SYNDIG1: variants seen among roughly 807,000 people sequenced by gnomAD.
SYNDIG1 encodes synapse differentiation-inducing gene protein 1.
In SYNDIG1, 9 loss-of-function variants were observed where a neutral mutation model predicts 19.4. The observed-to-expected ratio is 0.46, with a 90% confidence interval of 0.28 to 0.81. The LOEUF (loss-of-function observed/expected upper bound fraction) is 0.81, where lower values mean the gene tolerates loss of function less well. Among genes scored for constraint, SYNDIG1 ranks in the 30% least tolerant of loss-of-function variants. SYNDIG1 has a pLI of 0.12. For missense variants in SYNDIG1, 311 were observed against 343.3 expected, an observed-to-expected ratio of 0.91 and a Z score of 0.74; for synonymous variants, 141 against 145.9, an observed-to-expected ratio of 0.97 and a Z score of 0.24.
At chr20:24,546,622 T>C (rs1185806993) in intron 2 of SYNDIG1, among the ~76,000 whole-genome samples, 1 of 152,236 alleles carries the variant, frequency 6.6e-6, no homozygotes, top group Non-Finnish European at 1.5e-5. Flanking sequence ...GTCAAGTCTT[T>C]GCCTGTGTCC....
At chr20:24,497,110 AT>A (rs1382856111) in intron 1 of SYNDIG1, among the ~76,000 whole-genome samples, 1 of 152,216 alleles carries the variant, frequency 6.6e-6, no homozygotes, top group Non-Finnish European at 1.5e-5. Flanking sequence ...TTGAAATGAG[AT>A]GATTGATGTC....
rs115735277 is a variant in SYNDIG1, at chr20:24,662,662, C to T, written c.619-2684C>T. On this transcript the variant is annotated intron_variant, in intron 3 of 3. Coordinates refer to ENST00000376862, the MANE Select transcript of SYNDIG1 (RefSeq NM_024893.3). ...TGCTGAGCCCCTACCCCCAGCCCAC[C>T]GCTGGCACAAGGTGCAGGCACTGGG... 4.5e-3 allele frequency among the ~76,000 whole-genome samples: 684 copies of T among 152,338 alleles called. 9 individuals are homozygous for T. The highest frequency in any genetic ancestry group is 0.016 in the African/African-American group (662 of 41,584).
intron 1 of SYNDIG1, among the ~76,000 whole-genome samples, chr20:24,542,357 C>A (rs894623107): frequency 6.6e-6 from 1 of 152,190 alleles, no homozygotes. Flanking sequence ...CAGCTGGGAT[C>A]GTGTTAAAAT....
intron 3 of SYNDIG1, among the ~76,000 whole-genome samples, chr20:24,644,674 C>T (rs909776971): frequency 1.3e-5 from 2 of 152,230 alleles, no homozygotes; most frequent in Admixed American, 1.3e-4. Flanking sequence ...CAGGCTTAGT[C>T]TCTTAGTTAT....
intron 2 of SYNDIG1, among the ~76,000 whole-genome samples, chr20:24,549,305 C>T (rs535658043): frequency 1.3e-5 from 2 of 152,292 alleles, no homozygotes; most frequent in South Asian, 2.1e-4. Context: ...ACGAGTGGAA[C>T]ATGCAATGCT....
At chr20:24,523,306 CTTATTAA>C (rs1387050336) in intron 1 of SYNDIG1, among the ~76,000 whole-genome samples, 1 of 152,096 alleles carries the variant, frequency 6.6e-6, no homozygotes, top group African/African-American at 2.4e-5. Context: ...CAGGATAGTC[CTTATTAA>C]AAGTTTAGCA....
chr20:24,645,947 A>T (rs777153754), intron 3 of SYNDIG1, among the ~76,000 whole-genome samples: 15 of 152,188 alleles, frequency 9.9e-5, no homozygotes, highest in Non-Finnish European at 1.2e-4. Context: ...TCTCGCCTGG[A>T]TAGAAGCCAA....
At chr20:24,496,223 C>T (rs1157034512) in intron 1 of SYNDIG1, among the ~76,000 whole-genome samples, 1 of 152,170 alleles carries the variant, frequency 6.6e-6, no homozygotes, top group Non-Finnish European at 1.5e-5. Context: ...TCGCTTTTCC[C>T]CGTAAATGTT....
intron 3 of SYNDIG1, among the ~76,000 whole-genome samples, chr20:24,653,432 T>A (rs1349331717): frequency 6.6e-6 from 1 of 152,128 alleles, no homozygotes; most frequent in African/African-American, 2.4e-5. Context: ...CCCAGTCCTG[T>A]GTCCCATCTT....
intron 1 of SYNDIG1, among the ~76,000 whole-genome samples, chr20:24,517,776 T>C (rs1050618209): frequency 3.4e-5 from 5 of 145,590 alleles, no homozygotes; most frequent in East Asian, 2.0e-4. Flanking sequence ...TATATATACA[T>C]ACACACATTT....
intron 2 of SYNDIG1, among the ~76,000 whole-genome samples, chr20:24,563,269 G>A (rs1238922724): frequency 6.6e-6 from 1 of 152,190 alleles, no homozygotes; most frequent in East Asian, 1.9e-4. Flanking sequence ...TAGCCTTGAG[G>A]CTGAAACTGG....
At chr20:24,580,557 G>A (rs1402011009) in intron 2 of SYNDIG1, among the ~76,000 whole-genome samples, 2 of 152,058 alleles carry the variant, frequency 1.3e-5, no homozygotes, top group Non-Finnish European at 2.9e-5. Context: ...CTACAGGCAT[G>A]CACCACGAAG....
At chr20:24,477,881 C>G (rs949828167) in intron 1 of SYNDIG1, among the ~76,000 whole-genome samples, 1 of 152,216 alleles carries the variant, frequency 6.6e-6, no homozygotes, top group Non-Finnish European at 1.5e-5. Flanking sequence ...AGCACTTCTA[C>G]ACGGTTATAG....
chr20:24,508,025 A>G (rs2056640106), intron 1 of SYNDIG1, among the ~76,000 whole-genome samples: 1 of 151,994 alleles, frequency 6.6e-6, no homozygotes, highest in Admixed American at 6.5e-5. Context: ...AGGCCAAACT[A>G]CGAAGAAGTG....
At chr20:24,567,959 C>A (rs1362417091) in intron 2 of SYNDIG1, among the ~76,000 whole-genome samples, 5 of 152,014 alleles carry the variant, frequency 3.3e-5, no homozygotes, top group Admixed American at 3.3e-4. Context: ...CATGGTGAAA[C>A]CCTGTCTCTA....
chr20:24,473,839 A>G (rs1314608143), intron 1 of SYNDIG1, among the ~76,000 whole-genome samples: 3 of 152,238 alleles, frequency 2.0e-5, no homozygotes, highest in African/African-American at 7.2e-5. Flanking sequence ...AAGCTGTGAC[A>G]ACATTAACGC....
intron 3 of SYNDIG1, among the ~76,000 whole-genome samples, chr20:24,615,270 G>A (rs768282651): frequency 2.0e-5 from 3 of 152,194 alleles, no homozygotes; most frequent in African/African-American, 7.2e-5. Context: ...CCAGGGAGGG[G>A]TGTTACTCCA....
At chr20:24,651,331 A>C (rs889137782) in intron 3 of SYNDIG1, among the ~76,000 whole-genome samples, 1 of 152,194 alleles carries the variant, frequency 6.6e-6, no homozygotes, top group Non-Finnish European at 1.5e-5. Flanking sequence ...GAATGTCACA[A>C]ATGTATCTCT....
intron 1 of SYNDIG1, among the ~76,000 whole-genome samples, chr20:24,522,887 A>G (rs554484161): frequency 1.6e-4 from 25 of 152,270 alleles, no homozygotes; most frequent in Middle Eastern, 3.4e-3. Flanking sequence ...TTAAACAAGC[A>G]GCTCGCATGT....
Sources: gnomAD v4.1 joint callset for allele counts (sites outside exome capture counted in the v4.1 genomes callset) on GRCh38, gnomAD v4.1.1 for gene constraint, MANE v1.5 for transcripts, NCBI Gene and HGNC (gene_info 2026-07-23, HGNC 2026-07-21) for gene names.